Variants in RAPGEF3 observed in about 807,000 individuals in gnomAD.
RAPGEF3 encodes 9330170P05Rik.
Under a neutral mutation model 129.8 loss-of-function variants are expected in RAPGEF3, and 103 were observed. That is an observed-to-expected ratio of 0.79 (90% CI 0.68 to 0.93). The LOEUF is 0.93. RAPGEF3 is among the 40% of genes least tolerant of loss of function. The pLI is 0.00. For missense variants in RAPGEF3, 1,117 were observed against 1,207.4 expected (o/e 0.93, Z 1.11); for synonymous variants, 436 against 482.6 (o/e 0.90, Z 1.26).
chr12:47,756,829 C>T (rs561589776), intron 2 of RAPGEF3, among the ~76,000 whole-genome samples: 100 of 152,072 alleles, frequency 6.6e-4, no homozygotes, highest in African/African-American at 2.4e-3. Context: ...ATTAGCTGGG[C>T]GTGGTGGCGC....
At position 47,743,511 on chromosome 12, in the gene RAPGEF3, A is replaced by G. The variant is rs374117183; in HGVS notation, c.1825+19T>C. 8 of 1,610,072 alleles carry G rather than the reference A, an allele frequency of 5.0e-6. No individual in the cohort carries two copies. The African/African-American group carries it at 9.3e-5, about 19-fold the overall frequency. ...GAGGGGCCACCCTCCCTTGGGGTCT[A>G]TCCAGGGGCACAACTCACCACCTGC... On this transcript the variant is annotated intron_variant, in intron 18 of 27. Coordinates refer to ENST00000449771, the MANE Select transcript of RAPGEF3 (RefSeq NM_001098531.4).
chr12:47,740,056 G>A lies in RAPGEF3; in HGVS notation c.2373+85C>T, dbSNP rs2136738254. On this transcript the variant is annotated intron_variant, in intron 23 of 27. Transcript: ENST00000449771. ...AAAGGACGAGTAGAGGGGCTGCAGG[G>A]AAGCCAAGAGTGAGGGTGTCTGGAG... is the stretch of plus-strand genomic sequence containing the variant. The A allele has an allele frequency of 2.1e-6, 3 of 1,462,968 alleles. No individual in the cohort carries two copies. The South Asian group carries it at 3.6e-5, about 18-fold the overall frequency. The allele number at this position is 1,462,968 out of a possible 1,614,324, so 90.6% of individuals were successfully genotyped here.
At chr12:47,755,428 T>C (rs908622861) in intron 2 of RAPGEF3, among the ~76,000 whole-genome samples, 8 of 152,002 alleles carry the variant, frequency 5.3e-5, no homozygotes, top group Middle Eastern at 3.2e-3. Context: ...GTTCTCGGAG[T>C]TACAAAACAG....
Position 47,746,868 on chromosome 12 carries a change from G to A in RAPGEF3, c.1588C>T (p.Gln530Ter). The A allele has an allele frequency of 6.3e-7, 1 of 1,597,632 alleles. No homozygotes were observed. Among genetic ancestry groups the A allele is most frequent in the Non-Finnish European group, 8.5e-7 (1 of 1,175,056 alleles). Reference protein sequence around the residue: ...LENGCGNASPQMKARNLPVWL... With the variant: ...LENGCGNASP ...TGGGGCCAGGCAGACACCTTCATCT[G>A]AGGAGATGCATTCCCACAGCCATTC... The change falls in exon 16 of 28, where the codon CAG becomes TAG. Residue 530 changes from glutamine to a stop codon, truncating the protein, a stop_gained. Coordinates refer to ENST00000449771, the MANE Select transcript of RAPGEF3 (RefSeq NM_001098531.4). LOFTEE classifies it high-confidence loss of function.
rs769387388 is a variant in RAPGEF3 at position 47,741,575 on chromosome 12, C to T, written c.1853G>A (p.Arg618His). Residue 618 changes from arginine to histidine, a missense_variant, in exon 19 of 28, where the codon CGT becomes CAT. Physicochemically the swap from Arg to His is conservative, Grantham distance 29. Around this residue, in one of 3 missense-constraint regions of RAPGEF3, gnomAD observed 643 missense variants for 673.4 expected, o/e 0.95. Transcript: ENST00000449771. ...GAGCCCCAGAGATGTGGCCACACCA[C>T]GGGCATCTGGCTGCAGGCCAATGGC... ...GDAIGLQPDA[R>H]GVATSLGLNE... 1.7e-5 allele frequency: 28 copies of T among 1,612,090 alleles called. No individual in the cohort carries two copies. The East Asian group carries it at 1.8e-4, about 10-fold the overall frequency.
chr12:47,738,495 T>C (rs565837137), intron 25 of RAPGEF3, among the ~76,000 whole-genome samples, 195 bp downstream of exon 25: 206 of 152,246 alleles, frequency 1.4e-3, no homozygotes, highest in African/African-American at 4.7e-3. Flanking sequence ...TCTCGTTGAA[T>C]GGTGAGACGT....
In RAPGEF3 at chr12:47,750,973, G is replaced by T. The variant is rs1047118376; in HGVS notation, c.671+75C>A. 2.6e-6 allele frequency: 4 copies of T among 1,539,870 alleles called. No individual in the cohort carries two copies. In the African/African-American group the frequency reaches 5.5e-5, roughly 21 times the overall value. On this transcript the variant is annotated intron_variant, in intron 6 of 27. Transcript: ENST00000449771. ...ACAACAGGTAAGGGATGCCCCCAGA[G>T]ATCAATCTGAGAAACCGTGAAATCT... is the stretch of plus-strand genomic sequence containing the variant.
In RAPGEF3 at chr12:47,748,906, AGCC is replaced by A. The variant is rs753445734; in HGVS notation, c.1064_1066del (p.Arg355del). 1 of 1,614,016 alleles carries A rather than the reference AGCC, an allele frequency of 6.2e-7. No homozygotes were observed. Among genetic ancestry groups the A allele is most frequent in the Non-Finnish European group, 8.5e-7 (1 of 1,179,936 alleles). On this transcript the variant is annotated inframe_deletion, in exon 11 of 28. Transcript: ENST00000449771. ...CAGCACCACTTTGCCATGTTCTTCC[AGCC>A]GCATGGTCTTTGCCTCCACATCCTG... is the stretch of plus-strand genomic sequence containing the variant.
At position 47,741,847 on chromosome 12, in the gene RAPGEF3, T is replaced by A. The variant is rs1941189778; in HGVS notation, c.1826-245A>T. 5 of 547,196 alleles carry A rather than the reference T, an allele frequency of 9.1e-6. No homozygotes were observed. In the East Asian group the frequency reaches 1.5e-4, roughly 16 times the overall value. 33.9% of individuals were successfully genotyped at this position (547,196 alleles called of 1,614,324 possible). On this transcript the variant is annotated intron_variant, in intron 18 of 27. Coordinates refer to ENST00000449771, the MANE Select transcript of RAPGEF3 (RefSeq NM_001098531.4). ...AGTCAGGAAGAACCTGGGCAGGGTC[T>A]GAGCCTCCCTCAGCCTCACTTTCTT...
intron 17 of RAPGEF3, 148 bp downstream of exon 17, chr12:47,743,839 C>T (rs1215821105): frequency 5.3e-6 from 7 of 1,332,796 alleles, no homozygotes; most frequent in East Asian, 2.5e-5. Context: ...CAGATCTAGC[C>T]AGCAGCCTGG....
chr12:47,743,903 C>T lies in RAPGEF3; in HGVS notation c.1678+84G>A. ...CACCTTGGCCCAGGCACACCGAGGT[C>T]AAGAGTGACGACAGCAGGACAAGAG... On this transcript the variant is annotated intron_variant, in intron 17 of 27. Coordinates refer to ENST00000449771, the MANE Select transcript of RAPGEF3 (RefSeq NM_001098531.4). The T allele has an allele frequency of 2.7e-6, 4 of 1,470,988 alleles. No homozygotes were observed. The Admixed American group carries it at 5.2e-5, about 19-fold the overall frequency. The allele number at this position is 1,470,988 out of a possible 1,614,324, so 91.1% of individuals were successfully genotyped here.
intron 24 of RAPGEF3, 147 bp downstream of exon 24, chr12:47,738,996 G>A (rs924802158): frequency 2.7e-6 from 2 of 747,782 alleles, no homozygotes; most frequent in African/African-American, 3.5e-5. Context: ...CACTCCCTGA[G>A]GCATCAGCAC....
intron 4 of RAPGEF3, 92 bp downstream of exon 4, chr12:47,751,631 T>A: frequency 6.3e-7 from 1 of 1,597,940 alleles, no homozygotes. Context: ...GTCCCTGTGC[T>A]AGAAGCAGGG....
At position 47,735,424 on chromosome 12, in the gene RAPGEF3, C is replaced by T. The variant is rs912918877; in HGVS notation, c.*2143G>A. ...GCCACCGTAACATGGAGCCTTTCCC[C>T]GCTTTTGGGCCTCCTGTCCTCTGGG... On this transcript the variant is annotated 3_prime_UTR_variant, in exon 28 of 28. Transcript: ENST00000449771. 6.6e-6 allele frequency: 1 copy of T among 152,306 alleles called. No individual in the cohort carries two copies. Among genetic ancestry groups the T allele is most frequent in the Non-Finnish European group, 1.5e-5 (1 of 68,124 alleles). The allele number at this position is 152,306 out of a possible 1,614,324, so 9.4% of individuals were successfully genotyped here.
chr12:47,758,261 G>A (rs991780759), intron 1 of RAPGEF3, 183 bp from the exon 2 acceptor site: 1 of 1,433,444 alleles, frequency 7.0e-7, no homozygotes, highest in African/African-American at 1.4e-5. Flanking sequence ...CTGCCGGTCT[G>A]GCGCACTTAG....
In RAPGEF3 at chr12:47,751,605, G is replaced by A. The variant is rs575048914; in HGVS notation, c.381-85C>T. 30 of 1,601,604 alleles carry A rather than the reference G, an allele frequency of 1.9e-5. No individual in the cohort carries two copies. The African/African-American group carries it at 4.0e-4, about 21-fold the overall frequency. On this transcript the variant is annotated intron_variant, in intron 4 of 27. Transcript: ENST00000449771. ...TATGCATTAGAAAGGCACCCTCTGA[G>A]GCCCAAGCCTGGTTCGTCCCTGTGC... is the stretch of plus-strand genomic sequence containing the variant.
intron 23 of RAPGEF3, 120 bp from the exon 24 acceptor site, chr12:47,739,350 C>G (rs1033482523): frequency 2.5e-6 from 2 of 788,704 alleles, no homozygotes; most frequent in African/African-American, 3.4e-5. Flanking sequence ...AACTCAGCCT[C>G]TCCTCAGCCC....
rs1252197031 is a variant in RAPGEF3, at chr12:47,735,328, C to G, written c.*2239G>C. The G allele has an allele frequency of 6.6e-6, 1 of 152,262 alleles. No individual in the cohort carries two copies. The highest frequency in any genetic ancestry group is 1.5e-5 in the Non-Finnish European group (1 of 68,076). 9.4% of individuals were successfully genotyped at this position (152,262 alleles called of 1,614,324 possible). ...GGCTGCTAGGGAACACCAGAGGATG[C>G]CTCCTGCCCCACACCACCCCACGCT... On this transcript the variant is annotated 3_prime_UTR_variant, in exon 28 of 28. Coordinates refer to ENST00000449771, the MANE Select transcript of RAPGEF3 (RefSeq NM_001098531.4).
In RAPGEF3 at chr12:47,751,746, C is replaced by G. The variant is rs1448074908; in HGVS notation, c.357G>C (p.Arg119=). The change falls in exon 4 of 28, where the codon CGG becomes CGC. Residue 119 remains arginine, a synonymous_variant. Transcript: ENST00000449771. ...LATCPNLIRD[R]KYHLRLYRQC... The stretch of plus-strand genomic sequence containing the variant: ...ACCGATAGAGCCTAAGGTGGTACTT[C>G]CGGTCTCGGATGAGGTTTGGGCAGG... The G allele has an allele frequency of 7.4e-6, 12 of 1,613,426 alleles. No homozygotes were observed. Among genetic ancestry groups the G allele is most frequent in the Non-Finnish European group, 1.0e-5 (12 of 1,180,026 alleles).
Sources: gnomAD v4.1 joint callset for allele counts (sites outside exome capture counted in the v4.1 genomes callset) on GRCh38, gnomAD v4.1.1 for gene constraint, gnomAD v4.1.1 regional missense constraint, MANE v1.5 for transcripts, NCBI Gene and HGNC (gene_info 2026-07-23, HGNC 2026-07-21) for gene names.